ABHD12B: variants seen among roughly 807,000 people sequenced by gnomAD.
ABHD12B encodes the protein abhydrolase domain containing 12B.
In ABHD12B, 42 loss-of-function variants were observed where a neutral mutation model predicts 50.4. The ratio of observed to expected loss-of-function variants is 0.83; its 90% CI spans 0.65 to 1.08. The LOEUF (loss-of-function observed/expected upper bound fraction) is 1.08. Among genes scored for constraint, ABHD12B ranks in the 50% least tolerant of loss-of-function variants. The pLI is 0.00. For synonymous variants in ABHD12B, 167 were observed against 160.3 expected, an observed-to-expected ratio of 1.04 and a Z score of -0.32; for missense variants, 479 against 447.7, an observed-to-expected ratio of 1.07 and a Z score of -0.63.
At position 50,872,295 on chromosome 14, in the gene ABHD12B, C is replaced by T; in HGVS notation, c.104+17C>T. On this transcript the variant is annotated intron_variant, in intron 1 of 12. Coordinates refer to ENST00000337334, the MANE Select transcript of ABHD12B (RefSeq NM_001206673.2). ...CAACCTGCGGTGAGTACCGCCCGGT[C>T]CACCCCTGGCCGGGCCCCGACGGCT... 4 of 1,279,716 alleles carry T rather than the reference C, an allele frequency of 3.1e-6. No homozygotes were observed. Among genetic ancestry groups the T allele is most frequent in the Non-Finnish European group, 2.0e-6 (2 of 1,012,618 alleles). 79.3% of individuals were successfully genotyped at this position (1,279,716 alleles called of 1,614,324 possible). A position where few individuals can be genotyped will look rare whatever the true frequency, so the allele number is the denominator to read the frequency against.
At chr14:50,896,516 A>T (rs2050200832) in intron 9 of ABHD12B, among the ~76,000 whole-genome samples, 1 of 151,754 alleles carries the variant, frequency 6.6e-6, no homozygotes, top group South Asian at 2.1e-4. Flanking sequence ...GCCTTAACTG[A>T]TGACATTCCA....
At chr14:50,878,108 T>C (rs2049889027) in intron 2 of ABHD12B, 29 bp downstream of exon 2, 1 of 1,489,912 alleles carries the variant, frequency 6.7e-7, no homozygotes, top group Non-Finnish European at 8.9e-7. Context: ...TAAATTTTCC[T>C]ATATAATTTT....
chr14:50,893,356 G>C (rs1160924209), intron 9 of ABHD12B: 1 of 156,884 alleles, frequency 6.4e-6, no homozygotes, highest in Non-Finnish European at 1.4e-5. Flanking sequence ...CCTTGTGAAA[G>C]TCCTTTTCCT....
intron 10 of ABHD12B, among the ~76,000 whole-genome samples, chr14:50,903,110 G>GTT (rs36204047): frequency 2.1e-5 from 3 of 141,636 alleles, no homozygotes; most frequent in African/African-American, 2.6e-5. Context: ...AGTGTTTTTT[G>GTT]TTTTTTTTTT....
chr14:50,901,735 C>T (rs970087184), intron 9 of ABHD12B, 94 bp from the exon 10 acceptor site: 1 of 698,910 alleles, frequency 1.4e-6, no homozygotes, highest in South Asian at 2.8e-5. Flanking sequence ...AGAAGCACTA[C>T]TCTCTGTGTT....
At chr14:50,886,001 A>G in intron 7 of ABHD12B, 106 bp downstream of exon 7, 1 of 1,491,252 alleles carries the variant, frequency 6.7e-7, no homozygotes, top group Non-Finnish European at 9.2e-7. Flanking sequence ...GAAGACAGGG[A>G]CTCTTTGCTG....
intron 9 of ABHD12B, among the ~76,000 whole-genome samples, chr14:50,890,439 T>C (rs78606916): frequency 0.011 from 1,734 of 152,288 alleles, 30 homozygotes; most frequent in African/African-American, 0.039. Flanking sequence ...CCTTAGTCCT[T>C]AGATGGAATT....
In ABHD12B at chr14:50,880,477, G is replaced by A. The variant is rs368157046; in HGVS notation, c.361G>A (p.Glu121Lys). The A allele has an allele frequency of 1.1e-5, 17 of 1,610,102 alleles. No homozygotes were observed. The highest frequency in any genetic ancestry group is 1.1e-5 in the South Asian group (1 of 90,390). Reference protein sequence around the residue: ...IWHTVPSCRGEDAKGKDCCWY... With the variant: ...IWHTVPSCRGKDAKGKDCCWY... Reference sequence around the variant, plus strand: ...GCACACAGTCCCCAGCTGCCGGGGGGAAGATGCCAAGGGGAAGGACTGTTG... The same window carrying A: ...GCACACAGTCCCCAGCTGCCGGGGGAAAGATGCCAAGGGGAAGGACTGTTG... Residue 121 changes from glutamate to lysine, a missense_variant, in exon 4 of 13, where the codon GAA becomes AAA. Physicochemically the swap from Glu to Lys is moderately conservative, Grantham distance 56. Coordinates refer to ENST00000337334, the MANE Select transcript of ABHD12B (RefSeq NM_001206673.2).
intron 9 of ABHD12B, among the ~76,000 whole-genome samples, chr14:50,899,581 C>A (rs984300799): frequency 6.6e-6 from 1 of 152,176 alleles, no homozygotes; most frequent in Non-Finnish European, 1.5e-5. Flanking sequence ...TTACTACCCC[C>A]TCTACCCCTC....
At position 50,903,342 on chromosome 14, in the gene ABHD12B, C is replaced by T. The variant is rs1356750202; in HGVS notation, c.864-47C>T. ...CTTTAACTTAGAAGAGGAGAAATCTCAATGTATCATTCTTTAACTGAATGC... is the reference window on the plus strand; with the variant it reads ...CTTTAACTTAGAAGAGGAGAAATCTTAATGTATCATTCTTTAACTGAATGC... On this transcript the variant is annotated intron_variant, in intron 10 of 12. Transcript: ENST00000337334. 3 of 1,434,014 alleles carry T rather than the reference C, an allele frequency of 2.1e-6. No homozygotes were observed. In the African/African-American group the frequency reaches 4.3e-5, roughly 20 times the overall value. 88.8% of individuals were successfully genotyped at this position (1,434,014 alleles called of 1,614,324 possible).
At position 50,872,167 on chromosome 14, in the gene ABHD12B, G is replaced by A. The variant is rs1259882398; in HGVS notation, c.-8G>A. The A allele has an allele frequency of 2.9e-5, 38 of 1,305,586 alleles. No homozygotes were observed. Among genetic ancestry groups the A allele is most frequent in the Non-Finnish European group, 3.7e-5 (38 of 1,026,458 alleles). The allele number at this position is 1,305,586 out of a possible 1,614,324, so 80.9% of individuals were successfully genotyped here. The stretch of plus-strand genomic sequence containing the variant: ...CGGCGGTGGCGGCGTATCGGGACAC[G>A]GCGCGGGATGGACGCGCAGGACTGC... On this transcript the variant is annotated 5_prime_UTR_variant, in exon 1 of 13. Coordinates refer to ENST00000337334, the MANE Select transcript of ABHD12B (RefSeq NM_001206673.2).
At chr14:50,893,927 C>A (rs1433722124) in intron 9 of ABHD12B, among the ~76,000 whole-genome samples, 1 of 152,258 alleles carries the variant, frequency 6.6e-6, no homozygotes, top group Non-Finnish European at 1.5e-5. Context: ...ACCCAAAACT[C>A]CGGCGCTGGC....
intron 12 of ABHD12B, 30 bp downstream of exon 12, chr14:50,904,222 C>A: frequency 6.2e-7 from 1 of 1,612,972 alleles, no homozygotes. Flanking sequence ...ATGTATGTTG[C>A]CCTTCAAGGC....
At chr14:50,897,253 T>C (rs2050211140) in intron 9 of ABHD12B, among the ~76,000 whole-genome samples, 1 of 152,020 alleles carries the variant, frequency 6.6e-6, no homozygotes, top group African/African-American at 2.4e-5. Context: ...TTTGCATTTT[T>C]AGTAGAGACA....
rs756292432 is a variant in ABHD12B, at chr14:50,901,899, CTAATGATGAAAAGTAAGT to C, written c.863+2_863+19del. The C allele has an allele frequency of 5.0e-6, 8 of 1,590,150 alleles. No individual in the cohort carries two copies. The highest frequency in any genetic ancestry group is 6.8e-6 in the Non-Finnish European group (8 of 1,169,612). ...CTGAGAAAAGACAAAATAATCTTTC[CTAATGATGAAAAGTAAGT>C]TAATGATGAAAAGACATGCATTATT... is the stretch of plus-strand genomic sequence containing the variant. On this transcript the variant is annotated splice_donor_variant and splice_donor_5th_base_variant and coding_sequence_variant and intron_variant, in exon 10 of 13. Coordinates refer to ENST00000337334, the MANE Select transcript of ABHD12B (RefSeq NM_001206673.2). LOFTEE classifies it high-confidence loss of function.
chr14:50,901,809 T>G lies in ABHD12B; in HGVS notation c.781-20T>G, dbSNP rs1395484883. On this transcript the variant is annotated intron_variant, in intron 9 of 12. Transcript: ENST00000337334. ...TAGCTATGGGGCAAATATTAATTTT[T>G]TTTTCTTTTTTAAAAATAGATTTAC... The G allele has an allele frequency of 6.5e-7, 1 of 1,542,828 alleles. No homozygotes were observed. Among genetic ancestry groups the G allele is most frequent in the Non-Finnish European group, 8.8e-7 (1 of 1,135,242 alleles).
intron 8 of ABHD12B, among the ~76,000 whole-genome samples, chr14:50,887,545 G>A (rs2050060110): frequency 6.6e-6 from 1 of 152,010 alleles, no homozygotes; most frequent in Non-Finnish European, 1.5e-5. Context: ...ATCTGCTTTT[G>A]TGTGTGTGTG....
intron 5 of ABHD12B, among the ~76,000 whole-genome samples, chr14:50,883,628 GAA>G (rs1470330729): frequency 6.6e-6 from 1 of 152,268 alleles, no homozygotes; most frequent in Non-Finnish European, 1.5e-5. Flanking sequence ...CCAGAAAGGA[GAA>G]GAGCTGTAGG....
At chr14:50,900,906 C>T (rs1433843992) in intron 9 of ABHD12B, among the ~76,000 whole-genome samples, 2 of 152,190 alleles carry the variant, frequency 1.3e-5, no homozygotes, top group Admixed American at 6.5e-5. Context: ...CGAAAGAGTG[C>T]TACGATCTGA....
Sources: allele counts gnomAD v4.1 joint callset (sites outside exome capture counted in the v4.1 genomes callset), GRCh38; gene constraint gnomAD v4.1.1; transcripts MANE v1.5; gene names NCBI Gene and HGNC (gene_info 2026-07-23, HGNC 2026-07-21).